The following CSMD1 variants were observed in gnomAD, a reference collection of about 807,000 sequenced individuals.
CSMD1 encodes the protein CUB and sushi domain-containing protein 1.
In CSMD1, 213 loss-of-function variants were observed where a neutral mutation model predicts 417.5. That is an observed-to-expected ratio of 0.51 (90% CI 0.46 to 0.57). The LOEUF (loss-of-function observed/expected upper bound fraction) is 0.57, where lower values mean the gene tolerates loss of function less well. Among genes scored for constraint, CSMD1 ranks in the 20% least tolerant of loss-of-function variants. The pLI is 0.00. For missense variants in CSMD1, 6,923 were observed against 4,529.7 expected, an observed-to-expected ratio of 1.53 and a Z score of -15.17; for synonymous variants, 2,862 against 1,736.8, an observed-to-expected ratio of 1.65 and a Z score of -16.11.
At chr8:3,845,564 G>C (rs920278994) in intron 5 of CSMD1, among the ~76,000 whole-genome samples, 3 of 152,160 alleles carry the variant, frequency 2.0e-5, no homozygotes, top group Non-Finnish European at 4.4e-5. Context: ...CAGTGAACGA[G>C]TGATTATGAA....
intron 5 of CSMD1, among the ~76,000 whole-genome samples, chr8:3,992,772 C>A (rs912703351): frequency 6.6e-6 from 1 of 152,188 alleles, no homozygotes; most frequent in Non-Finnish European, 1.5e-5. Flanking sequence ...CAGAAGGAGA[C>A]CCAGTACTAA....
At chr8:3,987,944 G>T (rs1173702196) in intron 5 of CSMD1, among the ~76,000 whole-genome samples, 1 of 152,148 alleles carries the variant, frequency 6.6e-6, no homozygotes, top group African/African-American at 2.4e-5. Context: ...TCAAAGGACT[G>T]AGAAATCCAC....
At chr8:3,231,211 C>A (rs759646441) in intron 26 of CSMD1, among the ~76,000 whole-genome samples, 3 of 152,098 alleles carry the variant, frequency 2.0e-5, no homozygotes, top group Non-Finnish European at 4.4e-5. Context: ...AAGATAGGTA[C>A]TCCTGAAAAA....
chr8:3,537,180 T>C lies in CSMD1; in HGVS notation c.1344+37765A>G, dbSNP rs561262962. Among the ~76,000 whole-genome samples, 5 of 152,228 alleles carry C rather than the reference T, an allele frequency of 3.3e-5. No homozygotes were observed. In the East Asian group the frequency reaches 9.7e-4, roughly 30 times the overall value. On this transcript the variant is annotated intron_variant, in intron 10 of 69. Transcript: ENST00000635120. ...CACCACGCCCAGCTAATTTGTTGTA[T>C]TTTAAGAGACAGGTTTCACCATGTT...
Position 4,053,194 on chromosome 8 carries a change from A to T in CSMD1, c.416-21095T>A, listed in dbSNP as rs140861069. 7.9e-3 allele frequency among the ~76,000 whole-genome samples: 1,206 copies of T among 152,338 alleles called. 20 individuals carry two copies. The highest frequency in any genetic ancestry group is 0.028 in the African/African-American group (1,156 of 41,562). On this transcript the variant is annotated intron_variant, in intron 3 of 69. Transcript: ENST00000635120. ...AGGTGCAAATTTGAAGCCTGAAAAT[A>T]TAACACGTTATTAAAAAGTCACTAA...
At chr8:4,584,153 C>T (rs1457104463) in intron 2 of CSMD1, among the ~76,000 whole-genome samples, 1 of 152,056 alleles carries the variant, frequency 6.6e-6, no homozygotes, top group Non-Finnish European at 1.5e-5. Context: ...TCCAGACGCG[C>T]CACCTTAAGA....
chr8:3,428,412 T>C (rs1335140846), intron 12 of CSMD1, among the ~76,000 whole-genome samples: 13 of 152,056 alleles, frequency 8.5e-5, no homozygotes, highest in African/African-American at 3.1e-4. Context: ...TTTAAAGAAA[T>C]GGCACGAGAA....
At chr8:4,683,900 T>G (rs145767168) in intron 1 of CSMD1, among the ~76,000 whole-genome samples, 109 of 152,334 alleles carry the variant, frequency 7.2e-4, no homozygotes, top group African/African-American at 2.6e-3. Flanking sequence ...AGGAAAGGAC[T>G]AATTAGATAT....
chr8:3,949,400 A>G (rs556293113), intron 5 of CSMD1, among the ~76,000 whole-genome samples: 16 of 152,316 alleles, frequency 1.1e-4, no homozygotes, highest in African/African-American at 3.6e-4. Context: ...TTCTCAGACT[A>G]TTCTAACTAT....
intron 3 of CSMD1, among the ~76,000 whole-genome samples, chr8:4,227,684 T>A (rs1630897): frequency 2.0e-5 from 3 of 151,282 alleles, no homozygotes; most frequent in African/African-American, 2.4e-5. Context: ...GCCTCCATCC[T>A]ACATTAAACC....
intron 1 of CSMD1, among the ~76,000 whole-genome samples, chr8:4,820,704 G>T (rs144248442): frequency 2.0e-5 from 3 of 152,268 alleles, no homozygotes; most frequent in African/African-American, 4.8e-5. Context: ...TAACAAGGCT[G>T]CATAGCTCAT....
chr8:3,237,191 G>C (rs1799203829), intron 26 of CSMD1, among the ~76,000 whole-genome samples: 1 of 151,450 alleles, frequency 6.6e-6, no homozygotes, highest in Non-Finnish European at 1.5e-5. Flanking sequence ...TTGCAGGCCG[G>C]GTGCGGTAGC....
At chr8:3,468,413 G>A (rs1816905359) in intron 12 of CSMD1, among the ~76,000 whole-genome samples, 2 of 152,120 alleles carry the variant, frequency 1.3e-5, no homozygotes, top group Admixed American at 1.3e-4. Flanking sequence ...CAGCCAATAT[G>A]ATATGGTCAA....
intron 2 of CSMD1, among the ~76,000 whole-genome samples, chr8:4,461,657 C>T (rs1184466468): frequency 6.6e-6 from 1 of 151,754 alleles, no homozygotes; most frequent in Non-Finnish European, 1.5e-5. Context: ...CTCAAGCAAT[C>T]CTCCCACCTC....
At chr8:3,200,955 G>A (rs1292964820) in intron 32 of CSMD1, among the ~76,000 whole-genome samples, 1 of 152,104 alleles carries the variant, frequency 6.6e-6, no homozygotes, top group African/African-American at 2.4e-5. Context: ...ATAAGGGGTA[G>A]GTCATCAATT....
chr8:4,606,203 G>A (rs893624002), intron 2 of CSMD1, among the ~76,000 whole-genome samples: 28 of 152,272 alleles, frequency 1.8e-4, no homozygotes, highest in East Asian at 1.9e-4. Context: ...CACTCAGCAC[G>A]CCTTGCAGGT....
chr8:4,684,860 C>T (rs1279156459), intron 1 of CSMD1, among the ~76,000 whole-genome samples: 2 of 152,184 alleles, frequency 1.3e-5, no homozygotes, highest in Non-Finnish European at 2.9e-5. Context: ...CAAACCTGTG[C>T]TACTCTTTCT....
At chr8:4,210,478 G>C (rs537812110) in intron 3 of CSMD1, among the ~76,000 whole-genome samples, 2 of 152,112 alleles carry the variant, frequency 1.3e-5, no homozygotes, top group African/African-American at 2.4e-5. Flanking sequence ...ACTGCAAACA[G>C]ACAATAATTC....
intron 10 of CSMD1, among the ~76,000 whole-genome samples, chr8:3,521,185 T>C (rs1250938127): frequency 6.6e-6 from 1 of 152,164 alleles, no homozygotes; most frequent in Non-Finnish European, 1.5e-5. Context: ...TAACTCTATT[T>C]TTTTCACACC....
Sources: allele counts gnomAD v4.1 joint callset (sites outside exome capture counted in the v4.1 genomes callset), GRCh38; gene constraint gnomAD v4.1.1; transcripts MANE v1.5; gene names NCBI Gene and HGNC (gene_info 2026-07-23, HGNC 2026-07-21).